Variants in TENM4 observed in about 807,000 individuals in gnomAD.
TENM4 encodes teneurin transmembrane protein 4.
In TENM4, 82 loss-of-function variants were observed where a neutral mutation model predicts 243.3. That is an observed-to-expected ratio of 0.34 (90% confidence interval 0.28 to 0.40). The LOEUF is 0.40. Among genes scored for constraint, TENM4 ranks in the 10% least tolerant of loss-of-function variants. The pLI, the probability that TENM4 is intolerant of heterozygous loss-of-function variation, is 1.00. For synonymous variants in TENM4, 1,412 were observed against 1,456.3 expected (o/e 0.97, Z 0.69); for missense variants, 3,138 against 3,673.3 (o/e 0.85, Z 3.77).
chr11:78,908,065 T>C (rs1856100754), intron 6 of TENM4, among the ~76,000 whole-genome samples: 1 of 152,232 alleles, frequency 6.6e-6, no homozygotes, highest in Non-Finnish European at 1.5e-5. Context: ...GTTTTCATTT[T>C]AGATGCACAG....
At chr11:79,123,098 C>G (rs901900758) in intron 4 of TENM4, among the ~76,000 whole-genome samples, 6 of 152,106 alleles carry the variant, frequency 3.9e-5, no homozygotes, top group Non-Finnish European at 7.4e-5. Context: ...AATCTTCAGT[C>G]TGCTGGGAAA....
intron 6 of TENM4, among the ~76,000 whole-genome samples, chr11:78,920,301 A>C (rs1054748173): frequency 1.3e-5 from 2 of 152,158 alleles, no homozygotes; most frequent in Admixed American, 6.5e-5. Flanking sequence ...AGTTTTTAAA[A>C]CCAGAGATGT....
At chr11:78,896,587 T>C (rs1255788557) in intron 7 of TENM4, among the ~76,000 whole-genome samples, 1 of 152,126 alleles carries the variant, frequency 6.6e-6, no homozygotes, top group Admixed American at 6.5e-5. Context: ...AGACTCCCTG[T>C]GCTCCCGCTT....
At chr11:78,761,161 T>C (rs950369003) in intron 18 of TENM4, among the ~76,000 whole-genome samples, 2 of 152,214 alleles carry the variant, frequency 1.3e-5, no homozygotes, top group Non-Finnish European at 2.9e-5. Context: ...TCTATGATTC[T>C]GTTAATTCTC....
At chr11:79,223,528 G>A (rs947202372) in intron 2 of TENM4, among the ~76,000 whole-genome samples, 6 of 152,004 alleles carry the variant, frequency 3.9e-5, no homozygotes, top group African/African-American at 9.7e-5. Context: ...TCCTGTTCCC[G>A]GCTCAAAGCC....
At chr11:78,706,550 G>A (rs1452339171) in intron 27 of TENM4, among the ~76,000 whole-genome samples, 5 of 152,188 alleles carry the variant, frequency 3.3e-5, no homozygotes, top group African/African-American at 1.2e-4. Flanking sequence ...GGAGAGTTTG[G>A]TTAAAGAAAA....
intron 7 of TENM4, among the ~76,000 whole-genome samples, chr11:78,899,759 T>A (rs1855887903): frequency 6.6e-6 from 1 of 151,976 alleles, no homozygotes; most frequent in East Asian, 1.9e-4. Flanking sequence ...TCCCCACCCC[T>A]CTCTCTGTTG....
chr11:78,777,311 T>C (rs962611113), intron 17 of TENM4, among the ~76,000 whole-genome samples: 3 of 152,226 alleles, frequency 2.0e-5, no homozygotes, highest in African/African-American at 7.2e-5. Context: ...TGTTGGATCC[T>C]ATGCGACACC....
intron 1 of TENM4, among the ~76,000 whole-genome samples, chr11:79,395,235 C>T (rs1184405757): frequency 1.3e-5 from 2 of 152,196 alleles, no homozygotes; most frequent in African/African-American, 4.8e-5. Context: ...AGCTATTTTC[C>T]TTCCAGTCCC....
intron 6 of TENM4, among the ~76,000 whole-genome samples, chr11:79,035,551 A>AG (rs1859355832): frequency 1.3e-5 from 2 of 151,746 alleles, no homozygotes; most frequent in Non-Finnish European, 2.9e-5. Context: ...GAAAAAAAAA[A>AG]AAGAAGGAAA....
chr11:78,957,451 G>C (rs896408722), intron 6 of TENM4, among the ~76,000 whole-genome samples: 2 of 152,156 alleles, frequency 1.3e-5, no homozygotes, highest in African/African-American at 4.8e-5. Context: ...AAGGACCTTG[G>C]TTGACACCCC....
At position 79,325,192 on chromosome 11, in the gene TENM4, T is replaced by C. The variant is rs1278070513; in HGVS notation, c.-320-27649A>G. Among the ~76,000 whole-genome samples, 8 of 152,062 alleles carry C rather than the reference T, an allele frequency of 5.3e-5. No homozygotes were observed. The East Asian group carries it at 1.6e-3, about 30-fold the overall frequency. The stretch of plus-strand genomic sequence containing the variant: ...GCTCTGCCCATTCCTGAGAAGTGAG[T>C]TCTAACCTGGGCTGGAGGTGTGGGG... On this transcript the variant is annotated intron_variant, in intron 1 of 33. Coordinates refer to ENST00000278550, the MANE Select transcript of TENM4 (RefSeq NM_001098816.3).
At chr11:78,818,506 A>C (rs954151300) in intron 12 of TENM4, among the ~76,000 whole-genome samples, 4 of 152,240 alleles carry the variant, frequency 2.6e-5, no homozygotes, top group Admixed American at 6.5e-5. Context: ...TAAGATAGCA[A>C]CAAGGAAATG....
intron 9 of TENM4, among the ~76,000 whole-genome samples, chr11:78,880,488 A>AAAAAAAAAAAAAAAAAAAG (rs1368857006): frequency 8.8e-6 from 1 of 113,000 alleles, no homozygotes; most frequent in African/African-American, 3.5e-5. Context: ...AAAAAAAAAA[A>AAAAAAAAAAAAAAAAAAAG]AGAAAGAAAA....
chr11:79,253,246 C>T (rs1855642761), intron 2 of TENM4, among the ~76,000 whole-genome samples: 1 of 152,304 alleles, frequency 6.6e-6, no homozygotes, highest in African/African-American at 2.4e-5. Flanking sequence ...AAACTGCACT[C>T]ACTCAAACTC....
chr11:79,379,742 C>T (rs1407212340), intron 1 of TENM4, among the ~76,000 whole-genome samples: 2 of 152,194 alleles, frequency 1.3e-5, no homozygotes, highest in African/African-American at 4.8e-5. Context: ...TGGACCAAGG[C>T]CATCCTGTTC....
intron 3 of TENM4, among the ~76,000 whole-genome samples, chr11:79,188,591 T>G (rs1590778185): frequency 1.4e-5 from 2 of 138,788 alleles, no homozygotes; most frequent in Non-Finnish European, 3.1e-5. Context: ...AGGAGAGGAG[T>G]CAATGGAGGA....
In TENM4 at chr11:79,440,694, C is replaced by T. The variant is rs1217901381; in HGVS notation, c.-506G>A. ...CTCCAGCGAGACCAACAATAGCTCCCGCGGGGAGCGGAGCCCCAGCGAGCC... is the reference window on the plus strand; with the variant it reads ...CTCCAGCGAGACCAACAATAGCTCCTGCGGGGAGCGGAGCCCCAGCGAGCC... On this transcript the variant is annotated 5_prime_UTR_variant, in exon 1 of 34. Transcript: ENST00000278550. The surrounding 1 kb of genome is among the most constrained non-coding windows in gnomAD (Gnocchi z 4.7). 6.6e-6 allele frequency: 1 copy of T among 152,156 alleles called. No homozygotes were observed. The highest frequency in any genetic ancestry group is 1.5e-5 in the Non-Finnish European group (1 of 68,124). The allele number at this position is 152,156 out of a possible 1,614,324, so 9.4% of individuals were successfully genotyped here.
intron 3 of TENM4, among the ~76,000 whole-genome samples, chr11:79,183,618 G>A (rs1021230233): frequency 6.6e-6 from 1 of 152,172 alleles, no homozygotes; most frequent in African/African-American, 2.4e-5. Flanking sequence ...TTGGGATATT[G>A]ATGTGGCAAG....
Sources: allele counts gnomAD v4.1 joint callset (sites outside exome capture counted in the v4.1 genomes callset), GRCh38; gene constraint gnomAD v4.1.1; non-coding constraint Gnocchi (gnomAD v3.1); transcripts MANE v1.5; gene names NCBI Gene and HGNC (gene_info 2026-07-23, HGNC 2026-07-21).